MYO16: variants seen among roughly 807,000 people sequenced by gnomAD.
The protein encoded by MYO16 is unconventional myosin-XVI.
Under a neutral mutation model 205.3 loss-of-function variants are expected in MYO16, and 94 were observed. That is an observed-to-expected ratio of 0.46 (90% CI 0.39 to 0.54). MYO16 has a LOEUF of 0.54. Ranked by LOEUF, MYO16 falls within the 20% of genes least tolerant of loss-of-function variation. The pLI is 0.00. For synonymous variants in MYO16, 988 were observed against 954.0 expected (o/e 1.04, Z -0.66); for missense variants, 2,315 against 2,387.5 (o/e 0.97, Z 0.63).
chr13:108,587,717 T>C, the MYO16 span, among the ~76,000 whole-genome samples: 1 of 152,122 alleles, frequency 6.6e-6, no homozygotes, highest in Non-Finnish European at 1.5e-5. Context: ...ATAACCAACA[T>C]TTTTCACATG....
At chr13:109,206,534 G>A in intron 34 of MYO16, 75 bp from the exon 35 acceptor site, 1 of 1,076,160 alleles carries the variant, frequency 9.3e-7, no homozygotes, top group South Asian at 1.4e-5. Context: ...TTGTATCCAG[G>A]TGTTGCTATC....
intron 28 of MYO16, 104 bp from the exon 29 acceptor site, chr13:109,120,266 T>A: frequency 1.3e-6 from 1 of 755,516 alleles, no homozygotes; most frequent in Non-Finnish European, 2.1e-6. Flanking sequence ...TCTGAGTTTG[T>A]TTCTTCTAAT....
At chr13:108,527,341 T>C in the MYO16 span, among the ~76,000 whole-genome samples, 1 of 152,214 alleles carries the variant, frequency 6.6e-6, no homozygotes, top group Non-Finnish European at 1.5e-5. Context: ...TGATCATATC[T>C]ACTAAGTAAA....
chr13:109,127,807 T>C lies in MYO16; in HGVS notation c.4051+257T>C, dbSNP rs1594108603. 6.9e-6 allele frequency among the ~76,000 whole-genome samples: 1 copy of C among 143,910 alleles called. No individual in the cohort carries two copies. The highest frequency in any genetic ancestry group is 2.6e-5 in the African/African-American group (1 of 38,038). 94.4% of individuals were successfully genotyped at this position (143,910 alleles called of 152,430 possible). On this transcript the variant is annotated intron_variant, in intron 31 of 34. Transcript: ENST00000457511. This position sits in a 1 kb window ranked among gnomAD's most constrained non-coding sequence, Gnocchi z 4.2. ...CCTGCCTCCAAAGAGCAGTATCAAA[T>C]CAATTCAGAAAGTCGGCAGCTATTC...
chr13:108,794,354 G>A (rs1257371064), intron 6 of MYO16, among the ~76,000 whole-genome samples: 1 of 152,170 alleles, frequency 6.6e-6, no homozygotes, highest in Non-Finnish European at 1.5e-5. Context: ...AATGCAAAAT[G>A]CTTATGCCAC....
rs140400431 is a variant in MYO16, at chr13:109,055,432, C to G, written c.3172C>G (p.Pro1058Ala). The G allele has an allele frequency of 1.2e-6, 2 of 1,612,892 alleles. No individual in the cohort carries two copies. Among genetic ancestry groups the G allele is most frequent in the East Asian group, 2.2e-5 (1 of 44,872 alleles). ...TATTGGAAAACTTCAGAAGTGCACT[C>G]CACACTTCATTCATTGCATCAGGCC... ...DIIGKLQKCT[P>A]HFIHCIRPNN... Residue 1058 changes from proline (P) to alanine (A), a missense_variant, in exon 27 of 35, where the codon CCA becomes GCA. This residue lies in a region of MYO16 where 1,213 missense variants were observed against 1,274.4 expected (regional missense o/e 0.95). Transcript: ENST00000457511. This position sits in a 1 kb window ranked among gnomAD's most constrained non-coding sequence, Gnocchi z 5.0.
chr13:108,945,498 G>A (rs2139325751), intron 16 of MYO16, among the ~76,000 whole-genome samples: 1 of 152,198 alleles, frequency 6.6e-6, no homozygotes, highest in Non-Finnish European at 1.5e-5. Flanking sequence ...TTTAAAATAG[G>A]AGCCAAATCC....
chr13:108,667,501 C>G (rs1000784301), intron 2 of MYO16, among the ~76,000 whole-genome samples: 6 of 152,046 alleles, frequency 3.9e-5, no homozygotes, highest in African/African-American at 1.2e-4. Flanking sequence ...TTTTATTATT[C>G]TCTTCTCACC....
intron 27 of MYO16, among the ~76,000 whole-genome samples, chr13:109,073,113 T>C (rs1887977474): frequency 6.6e-6 from 1 of 151,896 alleles, no homozygotes; most frequent in African/African-American, 2.4e-5. Context: ...AATATCTTTT[T>C]TTTTTTGAGA....
At chr13:108,536,099 C>T in the MYO16 span, among the ~76,000 whole-genome samples, 15 of 152,016 alleles carry the variant, frequency 9.9e-5, no homozygotes, top group African/African-American at 2.9e-4. Context: ...TTGCTAGATG[C>T]GGTAATTTTT....
At chr13:109,078,272 CAAAAA>C (rs3042877) in intron 27 of MYO16, among the ~76,000 whole-genome samples, 99 of 136,540 alleles carry the variant, frequency 7.3e-4, no homozygotes, top group African/African-American at 1.5e-3. Context: ...ACTAAAAATA[CAAAAA>C]AAAAAAAAAA....
At chr13:108,712,172 C>T (rs1198070149) in intron 2 of MYO16, among the ~76,000 whole-genome samples, 1 of 152,126 alleles carries the variant, frequency 6.6e-6, no homozygotes, top group South Asian at 2.1e-4. Flanking sequence ...TTTGTTCTGA[C>T]GTGCTTTGTG....
At chr13:108,988,801 G>A (rs915159866) in intron 20 of MYO16, among the ~76,000 whole-genome samples, 6 of 152,112 alleles carry the variant, frequency 3.9e-5, no homozygotes, top group Non-Finnish European at 8.8e-5. Flanking sequence ...GAGGGTAATC[G>A]GACCTGAGAG....
At chr13:108,967,311 A>C (rs1266032442) in intron 20 of MYO16, among the ~76,000 whole-genome samples, 3 of 152,136 alleles carry the variant, frequency 2.0e-5, no homozygotes, top group Non-Finnish European at 4.4e-5. Context: ...CATTTCTTGG[A>C]TTACAGTAAA....
At chr13:109,062,996 T>A (rs1887637299) in intron 27 of MYO16, among the ~76,000 whole-genome samples, 1 of 152,182 alleles carries the variant, frequency 6.6e-6, no homozygotes, top group South Asian at 2.1e-4. Flanking sequence ...AGAATATGAT[T>A]ACCACAAAAA....
chr13:108,786,351 G>A (rs984560987), intron 5 of MYO16, among the ~76,000 whole-genome samples: 1 of 152,208 alleles, frequency 6.6e-6, no homozygotes, highest in Admixed American at 6.5e-5. Context: ...ATCAGTAAGT[G>A]CAGCCTTGGG....
intron 28 of MYO16, among the ~76,000 whole-genome samples, chr13:109,115,657 T>A (rs1875643661): frequency 6.6e-6 from 1 of 152,294 alleles, no homozygotes; most frequent in East Asian, 1.9e-4. Flanking sequence ...GTAAGACTGA[T>A]TATACAGTAA....
rs373405775 is a variant in MYO16 at position 108,862,037 on chromosome 13, T to G, written c.1360-4140T>G. Among the ~76,000 whole-genome samples, 9 of 152,330 alleles carry G rather than the reference T, an allele frequency of 5.9e-5. No homozygotes were observed. The South Asian group carries it at 8.3e-4, about 14-fold the overall frequency. On this transcript the variant is annotated intron_variant, in intron 11 of 34. Coordinates refer to ENST00000457511, the MANE Select transcript of MYO16 (RefSeq NM_001198950.3). ...TTCCTACATTTTCTTTATAACATTT[T>G]ATTATTTTAGCATTTACAGTTAAGA...
At chr13:109,168,950 TG>T (rs1302400008) in intron 33 of MYO16, among the ~76,000 whole-genome samples, 2 of 152,166 alleles carry the variant, frequency 1.3e-5, no homozygotes, top group African/African-American at 4.8e-5. Flanking sequence ...GGGCTTTTAG[TG>T]TCCACATCAA....
Sources: allele counts gnomAD v4.1 joint callset (sites outside exome capture counted in the v4.1 genomes callset), GRCh38; gene constraint gnomAD v4.1.1; regional missense constraint gnomAD v4.1.1; non-coding constraint Gnocchi (gnomAD v3.1); transcripts MANE v1.5; gene names NCBI Gene and HGNC (gene_info 2026-07-23, HGNC 2026-07-21).